The following SYN3 variants were observed in gnomAD, a reference collection of about 807,000 sequenced individuals.
SYN3 encodes synapsin-3.
Under a neutral mutation model 65.8 loss-of-function variants are expected in SYN3, and 35 were observed. That is an observed-to-expected ratio of 0.53 (90% CI 0.41 to 0.70). The LOEUF (loss-of-function observed/expected upper bound fraction) is 0.70, where lower values mean the gene tolerates loss of function less well. Among genes scored for constraint, SYN3 ranks in the 30% least tolerant of loss-of-function variants. The pLI is 0.00. For synonymous variants in SYN3, 270 were observed against 292.9 expected (o/e 0.92, Z 0.80); for missense variants, 680 against 749.0 (o/e 0.91, Z 1.08).
chr22:33,030,099 G>A (rs1212909115), intron 1 of SYN3, among the ~76,000 whole-genome samples: 2 of 152,170 alleles, frequency 1.3e-5, no homozygotes, highest in East Asian at 1.9e-4. Flanking sequence ...GTGGGTTTGG[G>A]GGAAAGGTAC....
intron 6 of SYN3, among the ~76,000 whole-genome samples, chr22:32,650,682 GC>G (rs1325896849): frequency 6.6e-5 from 10 of 152,092 alleles, no homozygotes; most frequent in Non-Finnish European, 1.5e-4. Flanking sequence ...GAACTACAAA[GC>G]CCAGGCTCAC....
rs1235075123 is a variant in SYN3 at position 32,533,904 on chromosome 22, A to T, written c.993-9T>A. 3 of 1,602,064 alleles carry T rather than the reference A, an allele frequency of 1.9e-6. No individual in the cohort carries two copies. In the Admixed American group the frequency reaches 5.0e-5, roughly 27 times the overall value. ...CCACCCACAGCCTGTACCTGCAGGG[A>T]CAGATGGACAGACAGTGAAGTGGCC... is the stretch of plus-strand genomic sequence containing the variant. On this transcript the variant is annotated splice_polypyrimidine_tract_variant and intron_variant, in intron 9 of 13. Transcript: ENST00000358763.
chr22:32,594,755 T>C (rs1414688738), intron 7 of SYN3, among the ~76,000 whole-genome samples: 1 of 152,222 alleles, frequency 6.6e-6, no homozygotes, highest in African/African-American at 2.4e-5. Context: ...CCCAAAGTTC[T>C]GGGATTATAG....
intron 1 of SYN3, among the ~76,000 whole-genome samples, chr22:33,051,495 A>G (rs1337110214): frequency 1.3e-5 from 2 of 152,124 alleles, no homozygotes; most frequent in African/African-American, 4.8e-5. Flanking sequence ...ACATGCCTAC[A>G]TTGGGACCCT....
At chr22:32,569,806 G>C (rs1023341270) in intron 7 of SYN3, among the ~76,000 whole-genome samples, 3 of 152,110 alleles carry the variant, frequency 2.0e-5, no homozygotes, top group Non-Finnish European at 2.9e-5. Flanking sequence ...CTGCTTCACA[G>C]AGTTACTGTG....
chr22:32,610,977 G>T (rs544612095), intron 6 of SYN3, among the ~76,000 whole-genome samples: 3 of 152,200 alleles, frequency 2.0e-5, no homozygotes, highest in South Asian at 2.1e-4. Context: ...GGTGTCTGAC[G>T]TTTAATTATA....
chr22:32,688,612 C>T (rs903028554), intron 6 of SYN3, among the ~76,000 whole-genome samples: 1 of 152,076 alleles, frequency 6.6e-6, no homozygotes, highest in Non-Finnish European at 1.5e-5. Context: ...TGGATGGTAG[C>T]CCATGCTTCA....
chr22:32,931,042 G>A lies in SYN3; in HGVS notation c.461+348C>T, dbSNP rs188032302. On this transcript the variant is annotated intron_variant, in intron 4 of 13. Transcript: ENST00000358763. ...GGTGCTGTCATACATGTGAGTTTCT[G>A]TAAACTTTAGCAGCCTCTAACTTCA... 218 of 181,010 alleles carry A rather than the reference G, an allele frequency of 1.2e-3. 1 individual carries two copies. The highest frequency in any genetic ancestry group is 4.7e-3 in the African/African-American group (203 of 43,028). 11.2% of individuals were successfully genotyped at this position (181,010 alleles called of 1,614,324 possible). A position where few individuals can be genotyped will look rare whatever the true frequency, so the allele number is the denominator to read the frequency against.
intron 7 of SYN3, among the ~76,000 whole-genome samples, chr22:32,545,043 A>C (rs1293770693): frequency 6.6e-6 from 1 of 152,184 alleles, no homozygotes; most frequent in Non-Finnish European, 1.5e-5. Context: ...GGCCAACAAG[A>C]TGTGAGCGGA....
chr22:32,943,995 T>TAATGGAAGACTTTA (rs1012114050), intron 3 of SYN3, among the ~76,000 whole-genome samples: 4 of 152,084 alleles, frequency 2.6e-5, no homozygotes, highest in African/African-American at 9.7e-5. Context: ...CACACAATAA[T>TAATGGAAGACTTTA]AATGGAAGAC....
intron 6 of SYN3, among the ~76,000 whole-genome samples, chr22:32,858,479 G>A (rs1283050873): frequency 1.3e-5 from 2 of 152,128 alleles, no homozygotes; most frequent in East Asian, 3.9e-4. Flanking sequence ...TCTCCCAAGT[G>A]GTTTCAAGTG....
intron 6 of SYN3, among the ~76,000 whole-genome samples, chr22:32,617,922 C>T (rs2146727780): frequency 6.6e-6 from 1 of 152,106 alleles, no homozygotes; most frequent in South Asian, 2.1e-4. Flanking sequence ...CCTCTTCTAT[C>T]TGCCTTAGTA....
chr22:32,882,494 G>A (rs2049168608), intron 4 of SYN3, among the ~76,000 whole-genome samples: 1 of 152,130 alleles, frequency 6.6e-6, no homozygotes, highest in African/African-American at 2.4e-5. Flanking sequence ...AAGAGTGCTG[G>A]GAACTTGTAT....
chr22:32,673,275 T>C (rs923326021), intron 6 of SYN3, among the ~76,000 whole-genome samples: 1 of 152,096 alleles, frequency 6.6e-6, no homozygotes, highest in African/African-American at 2.4e-5. Flanking sequence ...TAGGGTGTTG[T>C]GTCAGAAATG....
intron 3 of SYN3, among the ~76,000 whole-genome samples, chr22:32,954,993 T>C (rs1031410866): frequency 6.6e-6 from 1 of 151,266 alleles, no homozygotes; most frequent in African/African-American, 2.4e-5. Context: ...CTCAGGATTG[T>C]AGGAAGGAAA....
intron 6 of SYN3, among the ~76,000 whole-genome samples, chr22:32,809,740 T>C (rs1295234704): frequency 6.6e-6 from 1 of 152,252 alleles, no homozygotes; most frequent in East Asian, 1.9e-4. Flanking sequence ...GTTGGTGTTT[T>C]CATAAGCCTG....
chr22:32,804,359 C>A (rs774907136), intron 6 of SYN3, among the ~76,000 whole-genome samples: 1 of 152,190 alleles, frequency 6.6e-6, no homozygotes, highest in Non-Finnish European at 1.5e-5. Context: ...TGCTCAGAGC[C>A]TTTCTGGTTT....
intron 4 of SYN3, among the ~76,000 whole-genome samples, chr22:32,884,770 A>C (rs183059763): frequency 6.6e-6 from 1 of 152,230 alleles, no homozygotes; most frequent in African/African-American, 2.4e-5. Flanking sequence ...TCAGCTACTC[A>C]AGAGGCTGAG....
intron 13 of SYN3, among the ~76,000 whole-genome samples, chr22:32,515,829 T>C (rs772343763): frequency 2.9e-4 from 44 of 152,048 alleles, no homozygotes; most frequent in Non-Finnish European, 5.6e-4. Flanking sequence ...GATGGAGTCT[T>C]GCTCTGTCAC....
Sources: gnomAD v4.1 joint callset for allele counts (sites outside exome capture counted in the v4.1 genomes callset) on GRCh38, gnomAD v4.1.1 for gene constraint, MANE v1.5 for transcripts, NCBI Gene and HGNC (gene_info 2026-07-23, HGNC 2026-07-21) for gene names.